GRIK1: variants seen among roughly 807,000 people sequenced by gnomAD.
GRIK1 encodes glutamate receptor ionotropic, kainate 1.
Under a neutral mutation model 105.7 loss-of-function variants are expected in GRIK1, and 69 were observed. The ratio of observed to expected loss-of-function variants is 0.65; its 90% CI spans 0.54 to 0.80. GRIK1 has a LOEUF of 0.80. Among genes scored for constraint, GRIK1 ranks in the 30% least tolerant of loss-of-function variants. The probability of loss-of-function intolerance (pLI) is 0.00; values close to 1 mark genes in which losing one functional copy is unlikely to be tolerated. For missense variants in GRIK1, 1,109 were observed against 1,167.3 expected (o/e 0.95, Z 0.73); for synonymous variants, 438 against 431.3 (o/e 1.02, Z -0.19).
At chr21:29,700,598 T>C (rs377680484) in intron 1 of GRIK1, among the ~76,000 whole-genome samples, 6 of 152,132 alleles carry the variant, frequency 3.9e-5, no homozygotes, top group Non-Finnish European at 7.4e-5. Context: ...GTCTCACTGA[T>C]TGACTTTTTT....
intron 3 of GRIK1, 136 bp downstream of exon 3, chr21:29,689,592 C>T (rs1409530825): frequency 2.7e-6 from 2 of 738,798 alleles, no homozygotes; most frequent in Non-Finnish European, 4.7e-6. Context: ...TATTAAATTA[C>T]TTCAGAATAT....
At chr21:29,773,764 G>T (rs991537133) in intron 1 of GRIK1, among the ~76,000 whole-genome samples, 6 of 152,186 alleles carry the variant, frequency 3.9e-5, no homozygotes, top group Non-Finnish European at 8.8e-5. Flanking sequence ...GGATGAGGGG[G>T]TTGACATCAA....
intron 1 of GRIK1, among the ~76,000 whole-genome samples, chr21:29,811,944 C>T (rs2145893369): frequency 1.3e-5 from 2 of 152,216 alleles, no homozygotes; most frequent in South Asian, 4.2e-4. Context: ...CTTACTATAT[C>T]AGGTCTCTGC....
At chr21:29,735,482 C>T (rs1265629124) in intron 1 of GRIK1, among the ~76,000 whole-genome samples, 1 of 152,120 alleles carries the variant, frequency 6.6e-6, no homozygotes, top group Non-Finnish European at 1.5e-5. Flanking sequence ...TCATTGCACC[C>T]CAAATCTTCT....
chr21:29,726,423 T>C (rs2064464033), intron 1 of GRIK1, among the ~76,000 whole-genome samples: 1 of 152,210 alleles, frequency 6.6e-6, no homozygotes, highest in Non-Finnish European at 1.5e-5. Flanking sequence ...AGTCAAAATA[T>C]GTGAGCTTCA....
At chr21:29,541,259 T>A (rs1005642464) in intron 16 of GRIK1, among the ~76,000 whole-genome samples, 1 of 152,164 alleles carries the variant, frequency 6.6e-6, no homozygotes, top group Non-Finnish European at 1.5e-5. Context: ...AGCCACCGTG[T>A]CCGGCCTACA....
At chr21:29,894,129 G>T (rs1317885283) in intron 1 of GRIK1, among the ~76,000 whole-genome samples, 1 of 152,084 alleles carries the variant, frequency 6.6e-6, no homozygotes, top group African/African-American at 2.4e-5. Flanking sequence ...TATTAGTCAG[G>T]GTTCTCTAGA....
intron 4 of GRIK1, among the ~76,000 whole-genome samples, chr21:29,666,743 A>G (rs2063066193): frequency 6.6e-6 from 1 of 152,266 alleles, no homozygotes; most frequent in Non-Finnish European, 1.5e-5. Context: ...TAGATGTTTG[A>G]GAATAAAATG....
intron 15 of GRIK1, among the ~76,000 whole-genome samples, chr21:29,560,334 TC>T (rs2090377105): frequency 2.5e-5 from 3 of 120,830 alleles, no homozygotes; most frequent in African/African-American, 1.0e-4. Context: ...TTTCTTTCTT[TC>T]TTTCTTTCTT....
chr21:29,748,727 A>G (rs2065107395), intron 1 of GRIK1: 1 of 152,208 alleles, frequency 6.6e-6, no homozygotes, highest in African/African-American at 2.4e-5. Context: ...CAAAATACTA[A>G]AGCTACTGGT....
intron 1 of GRIK1, among the ~76,000 whole-genome samples, chr21:29,733,354 C>A (rs2064689270): frequency 2.6e-5 from 4 of 152,072 alleles, no homozygotes; most frequent in Non-Finnish European, 5.9e-5. Context: ...TGCTATTTAT[C>A]ATAAATTCTA....
intron 1 of GRIK1, among the ~76,000 whole-genome samples, chr21:29,795,691 C>T (rs916264224): frequency 3.3e-5 from 5 of 152,186 alleles, no homozygotes; most frequent in Admixed American, 3.3e-4. Flanking sequence ...ATCCATGCTA[C>T]TTGACACTTC....
intron 1 of GRIK1, among the ~76,000 whole-genome samples, chr21:29,855,390 T>C (rs1569162752): frequency 6.6e-6 from 1 of 151,972 alleles, no homozygotes. Flanking sequence ...CTTTAAAGAG[T>C]GATATTTAAG....
chr21:29,721,411 A>G (rs1378116265), intron 1 of GRIK1, among the ~76,000 whole-genome samples: 2 of 152,150 alleles, frequency 1.3e-5, no homozygotes, highest in African/African-American at 4.8e-5. Flanking sequence ...TTTCTCTTAA[A>G]AGTTCACAGC....
chr21:29,824,841 A>T (rs1335059078), intron 1 of GRIK1, among the ~76,000 whole-genome samples: 1 of 152,016 alleles, frequency 6.6e-6, no homozygotes, highest in Non-Finnish European at 1.5e-5. Context: ...ACAGCATCCC[A>T]CTGACTTCGC....
chr21:29,781,827 C>A (rs1018302198), intron 1 of GRIK1, among the ~76,000 whole-genome samples: 1 of 147,438 alleles, frequency 6.8e-6, no homozygotes, highest in African/African-American at 2.5e-5. Context: ...CCCGCCACCG[C>A]GCCCGGCTAA....
intron 1 of GRIK1, among the ~76,000 whole-genome samples, chr21:29,714,489 G>T (rs2064132968): frequency 6.6e-6 from 1 of 152,094 alleles, no homozygotes; most frequent in African/African-American, 2.4e-5. Context: ...AGGGATGCAG[G>T]ACATTTGGTG....
chr21:29,557,858 T>C (rs2090295396), intron 15 of GRIK1, among the ~76,000 whole-genome samples: 1 of 152,042 alleles, frequency 6.6e-6, no homozygotes. Flanking sequence ...CTTTGAAGAG[T>C]GTAAGAATGA....
Position 29,537,204 on chromosome 21 carries a change from T to C in GRIK1, c.*26A>G. On this transcript the variant is annotated 3_prime_UTR_variant, in exon 18 of 18. Transcript: ENST00000327783. Reference sequence around the variant, plus strand: ...AAAAATCTGTAGGGAATGCATCCTTTTTCTTCCTACAGGCGTTTCCTTGGA... The same window carrying C: ...AAAAATCTGTAGGGAATGCATCCTTCTTCTTCCTACAGGCGTTTCCTTGGA... 1 of 1,540,832 alleles carries C rather than the reference T, an allele frequency of 6.5e-7. No individual in the cohort carries two copies. The highest frequency in any genetic ancestry group is 8.7e-7 in the Non-Finnish European group (1 of 1,146,686).
Sources: allele counts gnomAD v4.1 joint callset (sites outside exome capture counted in the v4.1 genomes callset), GRCh38; gene constraint gnomAD v4.1.1; transcripts MANE v1.5; gene names NCBI Gene and HGNC (gene_info 2026-07-23, HGNC 2026-07-21).